The following TERF2IP variants were observed in gnomAD, a reference collection of about 807,000 sequenced individuals.
TERF2IP encodes telomeric repeat-binding factor 2-interacting protein 1.
In TERF2IP, 35 loss-of-function variants were observed where a neutral mutation model predicts 33.3. The observed-to-expected ratio is 1.05, with a 90% CI of 0.80 to 1.39. TERF2IP has a LOEUF of 1.39. Among genes scored for constraint, TERF2IP ranks in the 40% most tolerant of loss-of-function variants. The pLI, the probability that TERF2IP is intolerant of heterozygous loss-of-function variation, is 0.00. For synonymous variants in TERF2IP, 253 were observed against 223.2 expected (o/e 1.13, Z -1.19); for missense variants, 583 against 524.8 (o/e 1.11, Z -1.08).
chr16:75,651,316 G>A (rs940471503), intron 1 of TERF2IP, among the ~76,000 whole-genome samples: 1 of 151,996 alleles, frequency 6.6e-6, no homozygotes, highest in African/African-American at 2.4e-5. Context: ...ATGAGAAAAG[G>A]AAATGGAACA....
chr16:75,654,507 G>A (rs1445564547), intron 2 of TERF2IP, 110 bp downstream of exon 2: 12 of 1,203,316 alleles, frequency 1.0e-5, no homozygotes, highest in Middle Eastern at 2.9e-4. Context: ...AAGTGAGAGA[G>A]GAGTTCAAGA....
chr16:75,654,380 G>C lies in TERF2IP; in HGVS notation c.778G>C (p.Glu260Gln). The C allele has an allele frequency of 6.2e-7, 1 of 1,613,552 alleles. No homozygotes were observed. Among genetic ancestry groups the C allele is most frequent in the East Asian group, 2.2e-5 (1 of 44,848 alleles). ...VKKMLVEATR[E>Q]FEEVVVDESP... ...AAAGATGCTTGTGGAAGCCACCCGG[G>C]AGTTTGAGGAGGTTGTGGTATGTTA... The change falls in exon 2 of 3, where the codon GAG becomes CAG. Residue 260 changes from glutamate (E) to glutamine (Q), a missense_variant. Physicochemically the swap from Glu to Gln is conservative, Grantham distance 29. Coordinates refer to ENST00000300086, the MANE Select transcript of TERF2IP (RefSeq NM_018975.4).
rs943999060 is a variant in TERF2IP at position 75,655,037 on chromosome 16, GGT to G, written c.795+642_795+643del. 3.4e-4 allele frequency among the ~76,000 whole-genome samples: 52 copies of G among 151,922 alleles called. 1 individual carries two copies. The highest frequency in any genetic ancestry group is 2.8e-3 in the Admixed American group (43 of 15,248). On this transcript the variant is annotated intron_variant, in intron 2 of 2. Coordinates refer to ENST00000300086, the MANE Select transcript of TERF2IP (RefSeq NM_018975.4). ...GCCACCGCTTTTTGTATTTTTTTGAGGTGGAGTCTCACTCTGTCACCCAGGCT... is the reference window on the plus strand; with the variant it reads ...GCCACCGCTTTTTGTATTTTTTTGAGGGAGTCTCACTCTGTCACCCAGGCT...
intron 1 of TERF2IP, among the ~76,000 whole-genome samples, chr16:75,650,118 C>T (rs1041158062): frequency 6.6e-6 from 1 of 152,142 alleles, no homozygotes; most frequent in African/African-American, 2.4e-5. Flanking sequence ...CATTGTGGTC[C>T]TGCTGGAATA....
At position 75,647,809 on chromosome 16, in the gene TERF2IP, A is replaced by G. The variant is rs2082309639; in HGVS notation, c.-74A>G. The stretch of plus-strand genomic sequence containing the variant: ...TCGCGGCAGAGGCGTCTGCGGTGAC[A>G]GCTCAGTCAGTTGAGCTCTGTGTGC... On this transcript the variant is annotated 5_prime_UTR_variant, in exon 1 of 3. Coordinates refer to ENST00000300086, the MANE Select transcript of TERF2IP (RefSeq NM_018975.4). 5.6e-6 allele frequency: 9 copies of G among 1,595,046 alleles called. No individual in the cohort carries two copies. The highest frequency in any genetic ancestry group is 7.7e-6 in the Non-Finnish European group (9 of 1,166,106).
In TERF2IP at chr16:75,656,616, C is replaced by T. The variant is rs780194201; in HGVS notation, c.*5C>T. The T allele has an allele frequency of 1.3e-6, 2 of 1,583,946 alleles. No individual in the cohort carries two copies. The highest frequency in any genetic ancestry group is 1.4e-5 in the African/African-American group (1 of 73,468). On this transcript the variant is annotated 3_prime_UTR_variant, in exon 3 of 3. Transcript: ENST00000300086. ...ATTGAATTTCGAAAGAAATAATTGGCAAGATAATGAGAAAAGAAAAAAGTC... is the reference window on the plus strand; with the variant it reads ...ATTGAATTTCGAAAGAAATAATTGGTAAGATAATGAGAAAAGAAAAAAGTC...
intron 1 of TERF2IP, 115 bp downstream of exon 1, chr16:75,648,667 C>A (rs1189500220): frequency 1.6e-5 from 23 of 1,435,014 alleles, no homozygotes; most frequent in Non-Finnish European, 2.0e-5. Flanking sequence ...TGGCCCCGCC[C>A]CCTGTTGACA....
Position 75,647,838 on chromosome 16 carries a change from G to T in TERF2IP, c.-45G>T. The T allele has an allele frequency of 6.3e-7, 1 of 1,596,310 alleles. No homozygotes were observed. The highest frequency in any genetic ancestry group is 8.6e-7 in the Non-Finnish European group (1 of 1,168,918). On this transcript the variant is annotated 5_prime_UTR_variant, in exon 1 of 3. Coordinates refer to ENST00000300086, the MANE Select transcript of TERF2IP (RefSeq NM_018975.4). ...CAGTCAGTTGAGCTCTGTGTGCCAG[G>T]CGCTCGCGAGGGGGTAGCTCTTCTA...
rs1194353201 is a variant in TERF2IP, at chr16:75,656,568, G to A, written c.1157G>A (p.Gly386Asp). ...AGAGAGGCATTGGTCAAAAAATTTG[G>A]TGCTCAGAATGTAGCTCGGAGGATT... ...DTREALVKKF[G>D]AQNVARRIEF... The change falls in exon 3 of 3, where the codon GGT becomes GAT. Residue 386 changes from glycine (G) to aspartate (D), a missense_variant. Gly to Asp is a moderately conservative substitution (Grantham distance 94). Transcript: ENST00000300086. 2 of 1,612,822 alleles carry A rather than the reference G, an allele frequency of 1.2e-6. No homozygotes were observed. The highest frequency in any genetic ancestry group is 1.3e-5 in the African/African-American group (1 of 74,886).
chr16:75,652,450 A>G (rs898660144), intron 1 of TERF2IP, among the ~76,000 whole-genome samples: 5 of 152,198 alleles, frequency 3.3e-5, no homozygotes, highest in Non-Finnish European at 5.9e-5. Flanking sequence ...ATAATGAACT[A>G]TACTGCATAT....
Position 75,648,421 on chromosome 16 carries a change from T to C in TERF2IP, c.539T>C (p.Leu180Pro). ...SSLTQHSWQS[L>P]KDRYLKHLRG... The stretch of plus-strand genomic sequence containing the variant: ...CTCACGCAGCACTCGTGGCAGTCCC[T>C]GAAGGACCGCTACCTCAAGCACCTG... The change falls in exon 1 of 3, where the codon CTG becomes CCG. Residue 180 changes from leucine to proline, a missense_variant. Physicochemically the swap from Leu to Pro is moderately conservative, Grantham distance 98. Transcript: ENST00000300086. The C allele has an allele frequency of 6.2e-7, 1 of 1,606,006 alleles. No individual in the cohort carries two copies. The highest frequency in any genetic ancestry group is 8.5e-7 in the Non-Finnish European group (1 of 1,176,834).
rs2082320770 is a variant in TERF2IP, at chr16:75,648,514, G to T, written c.632G>T (p.Arg211Leu). Residue 211 changes from arginine (R) to leucine (L), a missense_variant, in exon 1 of 3, where the codon CGG becomes CTG. Transcript: ENST00000300086. ...AGCCCCTCCTCCCAGAAGCTCAAGC[G>T]GAAGGCGGAGGAGGACCCGGAGGCC... The part of the protein sequence containing the change: ...PVSPSSQKLK[R>L]KAEEDPEAAD... The T allele has an allele frequency of 1.3e-6, 2 of 1,577,818 alleles. No individual in the cohort carries two copies. The highest frequency in any genetic ancestry group is 1.7e-6 in the Non-Finnish European group (2 of 1,160,598).
In TERF2IP at chr16:75,656,324, A is replaced by T; in HGVS notation, c.913A>T (p.Lys305Ter). ...PDEEEEEEEE[K>*]VSQPEVGAAI... ...TGAGGAGGAAGAAGAAGAAGAAGAA[A>T]AAGTTTCTCAACCAGAGGTGGGAGC... is the stretch of plus-strand genomic sequence containing the variant. Residue 305 changes from lysine to a stop codon, truncating the protein, a stop_gained, in exon 3 of 3, where the codon AAA (lysine) becomes TAA (stop). Coordinates refer to ENST00000300086, the MANE Select transcript of TERF2IP (RefSeq NM_018975.4). LOFTEE classifies it high-confidence loss of function. 6.2e-7 allele frequency: 1 copy of T among 1,614,118 alleles called. No individual in the cohort carries two copies. The highest frequency in any genetic ancestry group is 8.5e-7 in the Non-Finnish European group (1 of 1,180,010).
rs756362140 is a variant in TERF2IP at position 75,648,277 on chromosome 16, G to T, written c.395G>T (p.Gly132Val). 42 of 1,550,000 alleles carry T rather than the reference G, an allele frequency of 2.7e-5. No individual in the cohort carries two copies. Among genetic ancestry groups the T allele is most frequent in the Non-Finnish European group, 3.4e-5 (39 of 1,146,466 alleles). The change falls in exon 1 of 3, where the codon GGG becomes GTG. Residue 132 changes from glycine (G) to valine (V), a missense_variant. Transcript: ENST00000300086. ...AAEPEPQRHA[G>V]RIAFTDADDV... ...GAGCCGGAGCCGCAGCGGCACGCCG[G>T]GCGGATCGCCTTCACGGATGCGGAC...
Position 75,648,530 on chromosome 16 carries a change from C to A in TERF2IP, c.648C>A (p.Asp216Glu), listed in dbSNP as rs752833286. 6.4e-7 allele frequency: 1 copy of A among 1,566,766 alleles called. No individual in the cohort carries two copies. The highest frequency in any genetic ancestry group is 2.3e-5 in the East Asian group (1 of 43,426). Residue 216 changes from aspartate to glutamate, a missense_variant, in exon 1 of 3, where the codon GAC becomes GAA. Asp to Glu is a conservative substitution (Grantham distance 45). Coordinates refer to ENST00000300086, the MANE Select transcript of TERF2IP (RefSeq NM_018975.4). ...SQKLKRKAEE[D>E]PEAADSGEPQ... is the part of the protein sequence containing the mutation. Reference sequence around the variant, plus strand: ...AGCTCAAGCGGAAGGCGGAGGAGGACCCGGAGGCCGCGGATAGCGGGGGTG... The same window carrying A: ...AGCTCAAGCGGAAGGCGGAGGAGGAACCGGAGGCCGCGGATAGCGGGGGTG...
chr16:75,652,085 GT>G (rs1447410266), intron 1 of TERF2IP, among the ~76,000 whole-genome samples: 2 of 152,094 alleles, frequency 1.3e-5, no homozygotes, highest in Non-Finnish European at 2.9e-5. Context: ...TGGCAGTTTT[GT>G]TCTAGGAATT....
intron 1 of TERF2IP, among the ~76,000 whole-genome samples, chr16:75,649,113 C>T (rs1160953800): frequency 6.6e-6 from 1 of 151,848 alleles, no homozygotes; most frequent in Admixed American, 6.5e-5. Context: ...GCGATCCTCC[C>T]GTCTCGGTGT....
At chr16:75,650,444 G>A (rs1173908444) in intron 1 of TERF2IP, among the ~76,000 whole-genome samples, 2 of 152,152 alleles carry the variant, frequency 1.3e-5, no homozygotes, top group South Asian at 2.1e-4. Context: ...GGAGTAGGAG[G>A]GAGAATTAAT....
At chr16:75,650,776 A>G (rs1331200422) in intron 1 of TERF2IP, among the ~76,000 whole-genome samples, 2 of 152,040 alleles carry the variant, frequency 1.3e-5, no homozygotes, top group Non-Finnish European at 2.9e-5. Flanking sequence ...GGCTCAAGGG[A>G]TCTGCCCGAC....
Sources: gnomAD v4.1 joint callset for allele counts (sites outside exome capture counted in the v4.1 genomes callset) on GRCh38, gnomAD v4.1.1 for gene constraint, MANE v1.5 for transcripts, NCBI Gene and HGNC (gene_info 2026-07-23, HGNC 2026-07-21) for gene names.